Variants in PDCD4 observed in about 807,000 individuals in gnomAD.
PDCD4 encodes the protein programmed cell death protein 4.
Under a neutral mutation model 54.0 loss-of-function variants are expected in PDCD4, and 56 were observed. The observed-to-expected ratio is 1.04, with a 90% CI of 0.84 to 1.30. The LOEUF is 1.30. PDCD4 is among the 50% of genes most tolerant of loss of function. The pLI is 0.00. For missense variants in PDCD4, 584 were observed against 559.8 expected (o/e 1.04, Z -0.44); for synonymous variants, 186 against 194.8 (o/e 0.95, Z 0.37).
In PDCD4 at chr10:110,881,303, T is replaced by G; in HGVS notation, c.114T>G (p.Asn38Lys). 1 of 1,613,698 alleles carries G rather than the reference T, an allele frequency of 6.2e-7. No homozygotes were observed. Among genetic ancestry groups the G allele is most frequent in the Non-Finnish European group, 8.5e-7 (1 of 1,179,622 alleles). ...EENAGTEEIKNEINGNWISAS... is the reference protein window; with the variant it reads ...EENAGTEEIKKEINGNWISAS... ...ATGCTGGGACTGAGGAAATAAAGAA[T>G]GAAATAAATGGAAATTGGATTTCAG... Residue 38 changes from asparagine (N) to lysine (K), a missense_variant, in exon 3 of 12, where the codon AAT becomes AAG. Asn to Lys is a moderately conservative substitution (Grantham distance 94). Transcript: ENST00000280154.
In PDCD4 at chr10:110,875,973, A is replaced by G. The variant is rs1308062073; in HGVS notation, c.-55A>G. 1 of 1,350,100 alleles carries G rather than the reference A, an allele frequency of 7.4e-7. No individual in the cohort carries two copies. Among genetic ancestry groups the G allele is most frequent in the Non-Finnish European group, 1.0e-6 (1 of 973,288 alleles). The allele number at this position is 1,350,100 out of a possible 1,614,324, so 83.6% of individuals were successfully genotyped here. A position where few individuals can be genotyped will look rare whatever the true frequency, so the allele number is the denominator to read the frequency against. ...TTTCTTTTAAAAAAACAGATTCTGA[A>G]GGAAGATTTCCATTAGGTAATTTGT... On this transcript the variant is annotated 5_prime_UTR_variant, in exon 2 of 12. Transcript: ENST00000280154.
intron 8 of PDCD4, among the ~76,000 whole-genome samples, chr10:110,893,573 T>C (rs938199225): frequency 1.3e-5 from 2 of 152,078 alleles, no homozygotes; most frequent in Non-Finnish European, 2.9e-5. Flanking sequence ...TTGAACATTT[T>C]AGATAATGAG....
intron 3 of PDCD4, among the ~76,000 whole-genome samples, chr10:110,882,049 T>C (rs1845600949): frequency 6.6e-6 from 1 of 152,232 alleles, no homozygotes; most frequent in Non-Finnish European, 1.5e-5. Context: ...AAATAGTGAC[T>C]AGTACACTGT....
In PDCD4 at chr10:110,895,996, C is replaced by G. The variant is rs1423734676; in HGVS notation, c.1258C>G (p.Pro420Ala). Residue 420 changes from proline to alanine, a missense_variant, in exon 11 of 12, where the codon CCA becomes GCA. Pro to Ala is a conservative substitution (Grantham distance 27, BLOSUM62 -1). Transcript: ENST00000280154. ...NEIPDINLDV[P>A]HSYSVLERFV... ...AATTCCGGACATTAATCTGGATGTC[C>G]CACATTCATACTCTGTGCTGGAGCG... 6.2e-7 allele frequency: 1 copy of G among 1,604,454 alleles called. No homozygotes were observed.
chr10:110,873,417 G>T (rs989107555), intron 1 of PDCD4, among the ~76,000 whole-genome samples: 6 of 152,188 alleles, frequency 3.9e-5, no homozygotes, highest in Non-Finnish European at 5.9e-5. Context: ...AATTTATGAG[G>T]TATATTTCAG....
chr10:110,882,980 T>C (rs748401484), intron 3 of PDCD4, 23 bp from the exon 4 acceptor site: 6 of 1,439,088 alleles, frequency 4.2e-6, no homozygotes, highest in Non-Finnish European at 5.8e-6. Flanking sequence ...TGTTTTTTCT[T>C]TCTCAATGCT....
intron 2 of PDCD4, among the ~76,000 whole-genome samples, chr10:110,877,355 G>T (rs1409937672): frequency 6.6e-6 from 1 of 152,172 alleles, no homozygotes; most frequent in Non-Finnish European, 1.5e-5. Flanking sequence ...ACAGGCGTGT[G>T]CACCACTGTG....
chr10:110,889,506 TAG>T (rs1845723446), intron 6 of PDCD4, 25 bp from the exon 7 acceptor site: 1 of 1,309,182 alleles, frequency 7.6e-7, no homozygotes, highest in Admixed American at 2.0e-5. Flanking sequence ...ACTTTTTTTA[TAG>T]CTCTTTTTTT....
intron 2 of PDCD4, among the ~76,000 whole-genome samples, chr10:110,878,269 C>T (rs763680926): frequency 3.3e-5 from 5 of 152,076 alleles, no homozygotes; most frequent in South Asian, 2.1e-4. Context: ...ATAAATTATA[C>T]TGAGAGAATG....
intron 5 of PDCD4, among the ~76,000 whole-genome samples, chr10:110,886,853 A>G (rs1000128935): frequency 9.2e-5 from 14 of 152,184 alleles, no homozygotes; most frequent in African/African-American, 2.9e-4. Context: ...TCTTAAACCA[A>G]TAATCCCATT....
chr10:110,884,072 T>C (rs1181417351), intron 4 of PDCD4, among the ~76,000 whole-genome samples: 1 of 152,200 alleles, frequency 6.6e-6, no homozygotes, highest in Non-Finnish European at 1.5e-5. Flanking sequence ...TTTGAAAATA[T>C]TGAGTGGAAA....
chr10:110,889,163 A>G (rs987610938), intron 6 of PDCD4, among the ~76,000 whole-genome samples: 5 of 148,132 alleles, frequency 3.4e-5, no homozygotes, highest in African/African-American at 5.0e-5. Context: ...TGGAGGTTGC[A>G]GTGAACTGAG....
intron 5 of PDCD4, among the ~76,000 whole-genome samples, chr10:110,887,324 ACT>A (rs2135208268): frequency 6.6e-6 from 1 of 152,208 alleles, no homozygotes; most frequent in Admixed American, 6.5e-5. Context: ...GTGTAAGTAC[ACT>A]CTATAATGAT....
At chr10:110,889,314 G>A (rs758126496) in intron 6 of PDCD4, among the ~76,000 whole-genome samples, 1 of 151,318 alleles carries the variant, frequency 6.6e-6, no homozygotes, top group South Asian at 2.1e-4. Context: ...CAAAACAGAT[G>A]TGGCCCCCAC....
At chr10:110,877,675 C>T (rs887278761) in intron 2 of PDCD4, among the ~76,000 whole-genome samples, 2 of 152,026 alleles carry the variant, frequency 1.3e-5, no homozygotes, top group African/African-American at 4.8e-5. Context: ...TGCTTGTGTC[C>T]AGCACTGCTT....
intron 6 of PDCD4, among the ~76,000 whole-genome samples, chr10:110,888,613 GTATA>G (rs1845706388): frequency 6.6e-6 from 1 of 151,996 alleles, no homozygotes; most frequent in African/African-American, 2.4e-5. Context: ...CTTTCTGTGG[GTATA>G]TATCAATGTA....
At chr10:110,872,396 G>A (rs908608322) in intron 1 of PDCD4, among the ~76,000 whole-genome samples, 1 of 152,102 alleles carries the variant, frequency 6.6e-6, no homozygotes, top group South Asian at 2.1e-4. Flanking sequence ...CGGGGGCCGG[G>A]ATTGGAAGGC....
chr10:110,885,856 A>G (rs1329326474), intron 5 of PDCD4, among the ~76,000 whole-genome samples: 1 of 152,166 alleles, frequency 6.6e-6, no homozygotes, highest in Non-Finnish European at 1.5e-5. Context: ...AAAAGAATAT[A>G]CAGAAGCCAT....
Position 110,879,537 on chromosome 10 carries a change from C to T in PDCD4, c.44-1696C>T, listed in dbSNP as rs563479090. 2.0e-5 allele frequency among the ~76,000 whole-genome samples: 3 copies of T among 151,814 alleles called. No individual in the cohort carries two copies. The South Asian group carries it at 6.3e-4, about 32-fold the overall frequency. ...AAAATTAGCCAGGCGTAGTGGCAGG[C>T]ATCTGTAGTCCCAGCTGGGGCAGGA... On this transcript the variant is annotated intron_variant, in intron 2 of 11. Coordinates refer to ENST00000280154, the MANE Select transcript of PDCD4 (RefSeq NM_014456.5).
Sources: allele counts gnomAD v4.1 joint callset (sites outside exome capture counted in the v4.1 genomes callset), GRCh38; gene constraint gnomAD v4.1.1; transcripts MANE v1.5; gene names NCBI Gene and HGNC (gene_info 2026-07-23, HGNC 2026-07-21).